FYB1: variants seen among roughly 807,000 people sequenced by gnomAD.
The protein encoded by FYB1 is FYN binding protein 1, also known as FYN-binding protein 1.
A neutral mutation model predicts 94.1 loss-of-function variants in FYB1; 41 were observed. The ratio of observed to expected loss-of-function variants is 0.44; its 90% CI spans 0.34 to 0.57. FYB1 has a LOEUF of 0.57. Ranked by LOEUF, FYB1 falls within the 20% of genes least tolerant of loss-of-function variation. The pLI is 0.02. For missense variants in FYB1, 1,050 were observed against 976.8 expected (o/e 1.07, Z -1.00); for synonymous variants, 367 against 353.2 (o/e 1.04, Z -0.44).
rs995072149 is a variant in FYB1, at chr5:39,219,463, C to T, written c.-48G>A. 8.9e-5 allele frequency: 88 copies of T among 985,378 alleles called. No individual in the cohort carries two copies. Among genetic ancestry groups the T allele is most frequent in the Admixed American group, 1.8e-4 (3 of 16,258 alleles). 61.0% of individuals were successfully genotyped at this position (985,378 alleles called of 1,614,324 possible). A position where few individuals can be genotyped will look rare whatever the true frequency, so the allele number is the denominator to read the frequency against. On this transcript the variant is annotated 5_prime_UTR_variant, in exon 1 of 19. Transcript: ENST00000512982. Reference sequence around the variant, plus strand: ...GTTACCTGACTCCTGCAGAAGAAGGCGGAAGGATGGCCTCCTTTAGTGGAT... The same window carrying T: ...GTTACCTGACTCCTGCAGAAGAAGGTGGAAGGATGGCCTCCTTTAGTGGAT...
intron 2 of FYB1, among the ~76,000 whole-genome samples, chr5:39,170,574 T>C (rs1488987035): frequency 6.6e-6 from 1 of 152,208 alleles, no homozygotes; most frequent in Non-Finnish European, 1.5e-5. Flanking sequence ...ACCTCCCTTG[T>C]GCAAACTTCA....
At chr5:39,197,537 T>C (rs1432977032) in intron 2 of FYB1, among the ~76,000 whole-genome samples, 2 of 152,356 alleles carry the variant, frequency 1.3e-5, no homozygotes, top group South Asian at 2.1e-4. Flanking sequence ...TGGCCAATCA[T>C]AATCCAGAGC....
chr5:39,266,415 C>A (rs1005909836), intron 1 of FYB1, among the ~76,000 whole-genome samples: 6 of 152,176 alleles, frequency 3.9e-5, no homozygotes, highest in African/African-American at 9.7e-5. Context: ...AGCCCAGTGT[C>A]GTGTGTCCAA....
upstream of FYB1, among the ~76,000 whole-genome samples, chr5:39,221,535 A>G (rs1750263435): frequency 6.6e-6 from 1 of 152,204 alleles, no homozygotes; most frequent in Non-Finnish European, 1.5e-5. Context: ...AGGCATCTGG[A>G]AATACCCAGG....
At chr5:39,181,985 G>A (rs1324474632) in intron 2 of FYB1, among the ~76,000 whole-genome samples, 2 of 152,066 alleles carry the variant, frequency 1.3e-5, no homozygotes, top group African/African-American at 2.4e-5. Context: ...CACATCTCTA[G>A]AACTTATTCA....
intron 1 of FYB1, among the ~76,000 whole-genome samples, chr5:39,254,111 TG>T (rs1197229356): frequency 6.6e-6 from 1 of 152,182 alleles, no homozygotes; most frequent in African/African-American, 2.4e-5. Flanking sequence ...GGCATTTAGG[TG>T]GATTCCATGT....
At chr5:39,160,803 G>T (rs955292795) in intron 2 of FYB1, among the ~76,000 whole-genome samples, 24 of 152,226 alleles carry the variant, frequency 1.6e-4, no homozygotes, top group African/African-American at 5.8e-4. Context: ...TAAGACAGTT[G>T]TGTTCTGTAT....
rs70982547 is a variant in FYB1, at chr5:39,176,137, GTTTTTTTTTTT to G, written c.1136-22544_1136-22534del. The stretch of plus-strand genomic sequence containing the variant: ...GAGAATCCCAAGTCATTTTTTTTCT[GTTTTTTTTTTT>G]TTTTTTTTTTTTTTTTTTTAAAGAC... On this transcript the variant is annotated intron_variant, in intron 2 of 18. Coordinates refer to ENST00000512982, the MANE Select transcript of FYB1 (RefSeq NM_001465.6). Among the ~76,000 whole-genome samples, 10 of 61,664 alleles carry G rather than the reference GTTTTTTTTTTT, an allele frequency of 1.6e-4. 1 individual carries two copies. Among genetic ancestry groups the G allele is most frequent in the African/African-American group, 3.4e-4 (6 of 17,600 alleles). The allele number at this position is 61,664 out of a possible 152,430, so 40.5% of individuals were successfully genotyped here. A position where few individuals can be genotyped will look rare whatever the true frequency, so the allele number is the denominator to read the frequency against.
At chr5:39,141,873 GAAAAA>G (rs199557798) in intron 3 of FYB1, among the ~76,000 whole-genome samples, 2 of 129,938 alleles carry the variant, frequency 1.5e-5, no homozygotes, top group Admixed American at 7.9e-5. Context: ...TTCTGTCTCA[GAAAAA>G]AAAAAAAAAA....
upstream of FYB1, among the ~76,000 whole-genome samples, chr5:39,223,787 G>T (rs1386943366): frequency 2.6e-5 from 4 of 152,152 alleles, no homozygotes; most frequent in Non-Finnish European, 5.9e-5. Flanking sequence ...GAGTGGGGGT[G>T]GGTGTAGTAG....
At chr5:39,175,679 C>T (rs532664091) in intron 2 of FYB1, among the ~76,000 whole-genome samples, 2 of 152,262 alleles carry the variant, frequency 1.3e-5, no homozygotes, top group East Asian at 3.9e-4. Context: ...TCTTCCTGGC[C>T]ACTCCTTAAA....
At chr5:39,140,247 T>G (rs1426661200) in intron 4 of FYB1, among the ~76,000 whole-genome samples, 2 of 152,138 alleles carry the variant, frequency 1.3e-5, no homozygotes, top group African/African-American at 4.8e-5. Context: ...GACATGACAT[T>G]AATGTCTGAA....
intron 1 of FYB1, 122 bp downstream of exon 1, chr5:39,219,321 G>A: frequency 1.9e-6 from 1 of 518,298 alleles, no homozygotes. Context: ...AACAGAACAT[G>A]CGTTTCCTTC....
intron 1 of FYB1, among the ~76,000 whole-genome samples, chr5:39,264,251 T>A (rs892674322): frequency 6.6e-6 from 1 of 152,194 alleles, no homozygotes; most frequent in African/African-American, 2.4e-5. Context: ...ATAATCCTTA[T>A]AGGAGAAGCC....
intron 16 of FYB1, among the ~76,000 whole-genome samples, chr5:39,115,513 C>T (rs1177185290): frequency 6.6e-6 from 1 of 152,084 alleles, no homozygotes; most frequent in African/African-American, 2.4e-5. Context: ...GTTTTATGTG[C>T]TCGCCTAAAT....
chr5:39,135,843 T>A (rs1033666057), intron 7 of FYB1, among the ~76,000 whole-genome samples: 1 of 152,188 alleles, frequency 6.6e-6, no homozygotes, highest in Non-Finnish European at 1.5e-5. Flanking sequence ...TTTTACCTAT[T>A]ATCTATTATC....
chr5:39,258,653 T>C (rs984747133), intron 1 of FYB1, among the ~76,000 whole-genome samples: 10 of 151,728 alleles, frequency 6.6e-5, no homozygotes, highest in Admixed American at 3.3e-4. Flanking sequence ...CCAGAAGATA[T>C]GGAGCTAAAG....
At chr5:39,248,850 C>T (rs558659493) in intron 1 of FYB1, among the ~76,000 whole-genome samples, 2 of 152,158 alleles carry the variant, frequency 1.3e-5, no homozygotes, top group South Asian at 4.1e-4. Context: ...GTAGGGTAGC[C>T]TAAATATCTT....
At chr5:39,207,173 C>A (rs1376911164) in intron 1 of FYB1, among the ~76,000 whole-genome samples, 1 of 152,084 alleles carries the variant, frequency 6.6e-6, no homozygotes, top group Non-Finnish European at 1.5e-5. Flanking sequence ...TTTGAATTTG[C>A]AAATTCAAAT....
Sources: gnomAD v4.1 joint callset for allele counts (sites outside exome capture counted in the v4.1 genomes callset) on GRCh38, gnomAD v4.1.1 for gene constraint, MANE v1.5 for transcripts, NCBI Gene and HGNC (gene_info 2026-07-23, HGNC 2026-07-21) for gene names.